NXPE2: variants seen among roughly 807,000 people sequenced by gnomAD.
The protein encoded by NXPE2 is neurexophilin and PC-esterase domain family member 2.
In NXPE2, 34 loss-of-function variants were observed where a neutral mutation model predicts 34.4. That is an observed-to-expected ratio of 0.99 (90% confidence interval 0.75 to 1.31). The LOEUF (loss-of-function observed/expected upper bound fraction) is 1.31. Among genes scored for constraint, NXPE2 ranks in the 40% most tolerant of loss-of-function variants. The pLI is 0.00. For synonymous variants in NXPE2, 235 were observed against 231.3 expected, an observed-to-expected ratio of 1.02 and a Z score of -0.15; for missense variants, 649 against 672.5, an observed-to-expected ratio of 0.97 and a Z score of 0.39.
the NXPE2 span, among the ~76,000 whole-genome samples, chr11:114,503,027 C>T: frequency 6.6e-6 from 1 of 151,804 alleles, no homozygotes; most frequent in East Asian, 1.9e-4. Context: ...TATGATTGGG[C>T]CTGAAAGATC....
At chr11:114,727,142 A>T in the NXPE2 span, among the ~76,000 whole-genome samples, 2 of 151,890 alleles carry the variant, frequency 1.3e-5, no homozygotes, top group African/African-American at 2.4e-5. Context: ...CTTGGTACCA[A>T]TTTTTGTCTT....
intron 2 of NXPE2, among the ~76,000 whole-genome samples, chr11:114,688,792 G>A (rs1429832273): frequency 1.3e-5 from 2 of 151,930 alleles, no homozygotes; most frequent in African/African-American, 4.8e-5. Context: ...GGTCTGTTCA[G>A]GATTTCTGTT....
At chr11:114,520,916 C>G in the NXPE2 span, among the ~76,000 whole-genome samples, 1 of 152,270 alleles carries the variant, frequency 6.6e-6, no homozygotes, top group African/African-American at 2.4e-5. Flanking sequence ...TGTTACAAAG[C>G]TTTAAAATTA....
the NXPE2 span, among the ~76,000 whole-genome samples, chr11:114,813,258 T>A: frequency 6.6e-6 from 1 of 152,198 alleles, no homozygotes; most frequent in Admixed American, 6.5e-5. Context: ...GGCGTCTCCC[T>A]CATTCTAGGA....
At chr11:114,586,618 T>C in the NXPE2 span, among the ~76,000 whole-genome samples, 111,052 of 151,952 alleles carry the variant, frequency 0.73, 40,927 homozygotes, top group African/African-American at 0.82. Context: ...CAGAGAGCCT[T>C]GCTGTCATGT....
chr11:114,774,168 T>A, the NXPE2 span, among the ~76,000 whole-genome samples: 3 of 152,216 alleles, frequency 2.0e-5, no homozygotes, highest in African/African-American at 4.8e-5. Context: ...ATGTTCCATG[T>A]TTCTGAGTTT....
At chr11:114,700,369 G>A (rs1951342611) in intron 3 of NXPE2, among the ~76,000 whole-genome samples, 1 of 152,194 alleles carries the variant, frequency 6.6e-6, no homozygotes, top group Admixed American at 6.5e-5. Flanking sequence ...GGTAAGGCTT[G>A]TCTTGAGCAG....
the NXPE2 span, among the ~76,000 whole-genome samples, chr11:114,558,967 G>A: frequency 2.0e-5 from 3 of 152,162 alleles, no homozygotes; most frequent in African/African-American, 4.8e-5. Flanking sequence ...TAAGAAACAT[G>A]TAGTGGATGT....
the NXPE2 span, among the ~76,000 whole-genome samples, chr11:114,642,795 G>T: frequency 1.3e-5 from 2 of 151,974 alleles, no homozygotes; most frequent in Non-Finnish European, 2.9e-5. Context: ...GGGCTTGCTG[G>T]GTCAAATGGC....
chr11:114,540,338 A>G, the NXPE2 span, among the ~76,000 whole-genome samples: 1 of 152,244 alleles, frequency 6.6e-6, no homozygotes, highest in Non-Finnish European at 1.5e-5. Flanking sequence ...CTCAGACATC[A>G]TGAACTACAT....
chr11:114,569,465 A>G, the NXPE2 span, among the ~76,000 whole-genome samples: 2 of 152,210 alleles, frequency 1.3e-5, no homozygotes, highest in South Asian at 4.1e-4. Flanking sequence ...AAGCTCACCC[A>G]GGATTCCATA....
chr11:114,571,996 A>G, the NXPE2 span, among the ~76,000 whole-genome samples: 2 of 152,198 alleles, frequency 1.3e-5, no homozygotes, highest in African/African-American at 4.8e-5. Flanking sequence ...CACAGAGTCC[A>G]CTTCACTCCC....
At chr11:114,693,117 A>G (rs1212415834) in intron 2 of NXPE2, among the ~76,000 whole-genome samples, 1 of 152,226 alleles carries the variant, frequency 6.6e-6, no homozygotes, top group East Asian at 1.9e-4. Context: ...TTTCTTCAAC[A>G]GTTTAAAACC....
At chr11:114,519,963 C>T in the NXPE2 span, among the ~76,000 whole-genome samples, 3 of 149,370 alleles carry the variant, frequency 2.0e-5, no homozygotes, top group East Asian at 1.9e-4. Flanking sequence ...GCCATCTCGG[C>T]GAGCTTGCCC....
chr11:114,719,529 T>A, the NXPE2 span, among the ~76,000 whole-genome samples: 1 of 152,236 alleles, frequency 6.6e-6, no homozygotes, highest in African/African-American at 2.4e-5. Flanking sequence ...CTGTTGTCAT[T>A]GTGCACACCT....
At chr11:114,520,581 T>A in the NXPE2 span, among the ~76,000 whole-genome samples, 2 of 152,362 alleles carry the variant, frequency 1.3e-5, no homozygotes, top group Admixed American at 1.3e-4. Context: ...AGCATGAGAA[T>A]GCAGATATCT....
rs1207428048 is a variant in NXPE2 at position 114,706,567 on chromosome 11, A to G, written c.1317A>G (p.Ala439=). ...TCCCACGGGAAATTGACCAGGTAGC[A>G]GGAGACAAAAACACAGCCATTGTCA... is the stretch of plus-strand genomic sequence containing the variant. ...NYIPREIDQV[A]GDKNTAIVIT... is the part of the protein sequence containing the mutation. The change falls in exon 6 of 6, where the codon GCA becomes GCG. Residue 439 remains alanine, a synonymous_variant. Coordinates refer to ENST00000389586, the MANE Select transcript of NXPE2 (RefSeq NM_182495.6). 1 of 1,551,942 alleles carries G rather than the reference A, an allele frequency of 6.4e-7. No individual in the cohort carries two copies. Among genetic ancestry groups the G allele is most frequent in the Admixed American group, 2.0e-5 (1 of 51,012 alleles).
At chr11:114,621,959 A>G in the NXPE2 span, among the ~76,000 whole-genome samples, 3 of 152,154 alleles carry the variant, frequency 2.0e-5, no homozygotes, top group Admixed American at 1.3e-4. Flanking sequence ...CCCTGTGGAT[A>G]ATAAGTATGG....
chr11:114,566,638 A>G, the NXPE2 span, among the ~76,000 whole-genome samples: 1 of 152,196 alleles, frequency 6.6e-6, no homozygotes, highest in Non-Finnish European at 1.5e-5. Context: ...AGAAGGTTTT[A>G]TAAAAAGGGG....
Sources: allele counts gnomAD v4.1 joint callset (sites outside exome capture counted in the v4.1 genomes callset), GRCh38; gene constraint gnomAD v4.1.1; transcripts MANE v1.5; gene names NCBI Gene and HGNC (gene_info 2026-07-23, HGNC 2026-07-21).